The following ZNF12 variants were observed in gnomAD, a reference collection of about 807,000 sequenced individuals.
ZNF12 encodes zinc finger protein 12, also known as gonadotropin inducible transcription repressor 3.
A neutral mutation model predicts 66.6 loss-of-function variants in ZNF12; 34 were observed. The ratio of observed to expected loss-of-function variants is 0.51; its 90% confidence interval spans 0.39 to 0.68. The LOEUF (loss-of-function observed/expected upper bound fraction) is 0.68, where lower values mean the gene tolerates loss of function less well. Among genes scored for constraint, ZNF12 ranks in the 30% least tolerant of loss-of-function variants. ZNF12 has a pLI of 0.00. For missense variants in ZNF12, 697 were observed against 826.9 expected, an observed-to-expected ratio of 0.84 and a Z score of 1.93; for synonymous variants, 320 against 278.9, an observed-to-expected ratio of 1.15 and a Z score of -1.47.
Position 6,692,108 on chromosome 7 carries a change from G to A in ZNF12, c.834C>T (p.Phe278=). The A allele has an allele frequency of 6.2e-7, 1 of 1,614,004 alleles. No homozygotes were observed. The highest frequency in any genetic ancestry group is 8.5e-7 in the Non-Finnish European group (1 of 1,179,950). ...PYECSECGKS[F]CKKSKFIIHQ... is the part of the protein sequence containing the mutation. The stretch of plus-strand genomic sequence containing the variant: ...GTATAATAAATTTTGACTTTTTACA[G>A]AAGGATTTCCCACATTCACTGCATT... Residue 278 remains phenylalanine, a synonymous_variant, in exon 5 of 5, where the codon TTC becomes TTT. Coordinates refer to ENST00000405858, the MANE Select transcript of ZNF12 (RefSeq NM_016265.4). This position sits in a 1 kb window ranked among gnomAD's most constrained non-coding sequence, Gnocchi z 5.1.
chr7:6,692,275 G>A lies in ZNF12; in HGVS notation c.667C>T (p.Gln223Ter). Residue 223 changes from glutamine to a stop codon, truncating the protein, a stop_gained, in exon 5 of 5, where the codon CAG (glutamine) becomes TAG (stop). Transcript: ENST00000405858. LOFTEE classifies it high-confidence loss of function. This position sits in a 1 kb window ranked among gnomAD's most constrained non-coding sequence, Gnocchi z 5.1. ...LEKPFEYIEC[Q>*]KAFQKDTVFV... ...ACAGTGTCCTTTTGGAAGGCTTTCT[G>A]GCATTCAATATATTCAAAAGGTTTC... is the stretch of plus-strand genomic sequence containing the variant. 1 of 1,613,288 alleles carries A rather than the reference G, an allele frequency of 6.2e-7. No homozygotes were observed. The highest frequency in any genetic ancestry group is 8.5e-7 in the Non-Finnish European group (1 of 1,179,652).
Position 6,697,113 on chromosome 7 carries a change from A to T in ZNF12, c.238+226T>A, listed in dbSNP as rs1021165293. On this transcript the variant is annotated intron_variant, in intron 4 of 4. Transcript: ENST00000405858. The surrounding 1 kb of genome is among the most constrained non-coding windows in gnomAD (Gnocchi z 6.1). ...CAAGCAAAGACCCAAAGTTTAAGAGAACAACAGAAGTGACTGGAATTCGAT... is the reference window on the plus strand; with the variant it reads ...CAAGCAAAGACCCAAAGTTTAAGAGTACAACAGAAGTGACTGGAATTCGAT... Among the ~76,000 whole-genome samples, 3 of 152,144 alleles carry T rather than the reference A, an allele frequency of 2.0e-5. No individual in the cohort carries two copies. The highest frequency in any genetic ancestry group is 2.9e-5 in the Non-Finnish European group (2 of 68,032).
chr7:6,702,506 A>C (rs1562602243), intron 2 of ZNF12, among the ~76,000 whole-genome samples: 3 of 22,034 alleles, frequency 1.4e-4, no homozygotes, highest in East Asian at 1.8e-3. Context: ...ACACACACAC[A>C]CAGATTTATC....
At position 6,692,163 on chromosome 7, in the gene ZNF12, T is replaced by C; in HGVS notation, c.779A>G (p.Gln260Arg). 6.2e-7 allele frequency: 1 copy of C among 1,614,206 alleles called. No homozygotes were observed. The highest frequency in any genetic ancestry group is 1.1e-5 in the South Asian group (1 of 91,076). ...FLQMSDLTVH[Q>R]TSHMEMKPYE... ...GGGCTTCATTTCCATATGAGATGTC[T>C]GATGTACAGTGAGGTCCGACATCTG... The change falls in exon 5 of 5, where the codon CAG (glutamine) becomes CGG (arginine). Residue 260 changes from glutamine to arginine, a missense_variant. This residue lies in a region of ZNF12 where 241 missense variants were observed against 224.0 expected (regional missense o/e 1.08). Transcript: ENST00000405858. This position sits in a 1 kb window ranked among gnomAD's most constrained non-coding sequence, Gnocchi z 5.1.
intron 4 of ZNF12, among the ~76,000 whole-genome samples, chr7:6,693,789 A>G (rs1780112154): frequency 6.6e-6 from 1 of 152,184 alleles, no homozygotes; most frequent in Non-Finnish European, 1.5e-5. Context: ...CTTAAGCCAG[A>G]CCCACCCTGA....
Position 6,690,610 on chromosome 7 carries a change from T to C in ZNF12, c.*238A>G, listed in dbSNP as rs925497139. 8.9e-6 allele frequency: 4 copies of C among 449,180 alleles called. No individual in the cohort carries two copies. In the South Asian group the frequency reaches 1.6e-4, roughly 18 times the overall value. 27.8% of individuals were successfully genotyped at this position (449,180 alleles called of 1,614,324 possible). A position where few individuals can be genotyped will look rare whatever the true frequency, so the allele number is the denominator to read the frequency against. ...CAGTTCCAATCCATGGTGACATGTA[T>C]ATACATTCTTAATATTTATAAATTT... is the stretch of plus-strand genomic sequence containing the variant. On this transcript the variant is annotated 3_prime_UTR_variant, in exon 5 of 5. Transcript: ENST00000405858.
Position 6,691,660 on chromosome 7 carries a change from G to A in ZNF12, c.1282C>T (p.Leu428=), listed in dbSNP as rs910961036. The change falls in exon 5 of 5, where the codon CTG becomes TTG. Residue 428 remains leucine (L), a synonymous_variant. Transcript: ENST00000405858. The stretch of plus-strand genomic sequence containing the variant: ...GGTTTCTCTCCTGTGTGGGTCCTCA[G>A]GTGGGTCGTGAGAGTAGACTTGCGG... ...FCRKSTLTTH[L]RTHTGEKPYE... 1 of 1,613,772 alleles carries A rather than the reference G, an allele frequency of 6.2e-7. No individual in the cohort carries two copies. The highest frequency in any genetic ancestry group is 1.3e-5 in the African/African-American group (1 of 74,968).
In ZNF12 at chr7:6,697,672, A is replaced by G. The variant is rs769409806; in HGVS notation, c.142+13T>C. 3.1e-6 allele frequency: 5 copies of G among 1,613,272 alleles called. No homozygotes were observed. The highest frequency in any genetic ancestry group is 4.2e-6 in the Non-Finnish European group (5 of 1,179,766). ...CATATATTTTAGCAACTGAGAAAGC[A>G]AGCTATCCTCACCCACAGAAACTAG... On this transcript the variant is annotated intron_variant, in intron 3 of 4. Coordinates refer to ENST00000405858, the MANE Select transcript of ZNF12 (RefSeq NM_016265.4). The surrounding 1 kb of genome is among the most constrained non-coding windows in gnomAD (Gnocchi z 6.1).
In ZNF12 at chr7:6,706,457, C is replaced by T. The variant is rs753995257; in HGVS notation, c.-76G>A. On this transcript the variant is annotated 5_prime_UTR_variant, in exon 1 of 5. Transcript: ENST00000405858. ...CCTCCTGGGGCTCCGCAGCCTCTGC[C>T]CCACCGCTCCCGACAGGCCGGGGCG... 17 of 478,358 alleles carry T rather than the reference C, an allele frequency of 3.6e-5. No individual in the cohort carries two copies. Among genetic ancestry groups the T allele is most frequent in the Non-Finnish European group, 6.6e-5 (16 of 240,616 alleles). 29.6% of individuals were successfully genotyped at this position (478,358 alleles called of 1,614,324 possible).
chr7:6,692,127 C>G lies in ZNF12; in HGVS notation c.815G>C (p.Ser272Thr), dbSNP rs144746137. The G allele has an allele frequency of 5.0e-6, 8 of 1,613,980 alleles. No homozygotes were observed. Among genetic ancestry groups the G allele is most frequent in the Non-Finnish European group, 5.9e-6 (7 of 1,179,988 alleles). Residue 272 changes from serine (S) to threonine (T), a missense_variant, in exon 5 of 5, where the codon AGT becomes ACT. Coordinates refer to ENST00000405858, the MANE Select transcript of ZNF12 (RefSeq NM_016265.4). This position sits in a 1 kb window ranked among gnomAD's most constrained non-coding sequence, Gnocchi z 5.1. The stretch of plus-strand genomic sequence containing the variant: ...TTTACAGAAGGATTTCCCACATTCA[C>G]TGCATTCATAGGGCTTCATTTCCAT... ...SHMEMKPYEC[S>T]ECGKSFCKKS...
Position 6,692,151 on chromosome 7 carries a change from A to C in ZNF12, c.791T>G (p.Met264Arg). ...SDLTVHQTSH[M>R]EMKPYECSEC... The stretch of plus-strand genomic sequence containing the variant: ...ACTGCATTCATAGGGCTTCATTTCC[A>C]TATGAGATGTCTGATGTACAGTGAG... Residue 264 changes from methionine (M) to arginine (R), a missense_variant, in exon 5 of 5, where the codon ATG (methionine) becomes AGG (arginine). By Grantham distance (91) the Met-to-Arg change is moderately conservative. This residue lies in a region of ZNF12 where 241 missense variants were observed against 224.0 expected (regional missense o/e 1.08). Transcript: ENST00000405858. The surrounding 1 kb of genome is among the most constrained non-coding windows in gnomAD (Gnocchi z 5.1). 6.2e-7 allele frequency: 1 copy of C among 1,614,116 alleles called. No homozygotes were observed. Among genetic ancestry groups the C allele is most frequent in the Non-Finnish European group, 8.5e-7 (1 of 1,179,974 alleles).
At chr7:6,702,071 A>G (rs1780253088) in intron 2 of ZNF12, among the ~76,000 whole-genome samples, 1 of 152,000 alleles carries the variant, frequency 6.6e-6, no homozygotes, top group Non-Finnish European at 1.5e-5. Flanking sequence ...AGAGAGTCAC[A>G]TGACCTCCCC....
intron 4 of ZNF12, among the ~76,000 whole-genome samples, chr7:6,693,166 A>G (rs1478704753): frequency 1.3e-5 from 2 of 152,228 alleles, no homozygotes; most frequent in Non-Finnish European, 2.9e-5. Context: ...ACATCACTTC[A>G]TACCAAGTTG....
At position 6,692,553 on chromosome 7, in the gene ZNF12, G is replaced by A. The variant is rs75556779; in HGVS notation, c.389C>T (p.Ser130Leu). Residue 130 changes from serine (S) to leucine (L), a missense_variant, in exon 5 of 5, where the codon TCA (serine) becomes TTA (leucine). Physicochemically the swap from Ser to Leu is moderately radical, Grantham distance 145. Around this residue, in one of 3 missense-constraint regions of ZNF12, gnomAD observed 241 missense variants for 224.0 expected, o/e 1.08. Coordinates refer to ENST00000405858, the MANE Select transcript of ZNF12 (RefSeq NM_016265.4). This position sits in a 1 kb window ranked among gnomAD's most constrained non-coding sequence, Gnocchi z 5.1. ...GCTATTTTTATAGGCTATTTTTCTT[G>A]AAGGAACAGGGTTCGTTTCTACATC... ...TFDVETNPVP[S>L]RKIAYKNSLC... 2 of 1,613,654 alleles carry A rather than the reference G, an allele frequency of 1.2e-6. No individual in the cohort carries two copies. The highest frequency in any genetic ancestry group is 1.7e-6 in the Non-Finnish European group (2 of 1,179,784).
Position 6,689,775 on chromosome 7 carries a change from C to T in ZNF12, c.*1073G>A, listed in dbSNP as rs1409325322. On this transcript the variant is annotated 3_prime_UTR_variant, in exon 5 of 5. Coordinates refer to ENST00000405858, the MANE Select transcript of ZNF12 (RefSeq NM_016265.4). ...TTAGAATGTGTTCTTAATTCATTAA[C>T]AGGAAGGAGTAGAGCACAAGGTTTA... 1 of 152,154 alleles carries T rather than the reference C, an allele frequency of 6.6e-6. No individual in the cohort carries two copies. Among genetic ancestry groups the T allele is most frequent in the Non-Finnish European group, 1.5e-5 (1 of 68,016 alleles). The allele number at this position is 152,154 out of a possible 1,614,324, so 9.4% of individuals were successfully genotyped here.
At chr7:6,703,914 A>C (rs1181484619) in intron 2 of ZNF12, among the ~76,000 whole-genome samples, 1 of 152,232 alleles carries the variant, frequency 6.6e-6, no homozygotes, top group Non-Finnish European at 1.5e-5. Flanking sequence ...TTTTCCAACA[A>C]GGTCAGGGGA....
chr7:6,705,046 C>T lies in ZNF12; in HGVS notation c.15+113G>A. The T allele has an allele frequency of 7.6e-7, 1 of 1,307,876 alleles. No homozygotes were observed. Among genetic ancestry groups the T allele is most frequent in the South Asian group, 1.5e-5 (1 of 66,322 alleles). 81.0% of individuals were successfully genotyped at this position (1,307,876 alleles called of 1,614,324 possible). On this transcript the variant is annotated intron_variant, in intron 2 of 4. Transcript: ENST00000405858. The surrounding 1 kb of genome is among the most constrained non-coding windows in gnomAD (Gnocchi z 4.0). Reference sequence around the variant, plus strand: ...TGCTGATGGCTACTGTTCTGTCTGACCAAATCTTGTATCTATTTCTACTTT... The same window carrying T: ...TGCTGATGGCTACTGTTCTGTCTGATCAAATCTTGTATCTATTTCTACTTT...
In ZNF12 at chr7:6,705,096, A is replaced by G; in HGVS notation, c.15+63T>C. 8.3e-6 allele frequency: 13 copies of G among 1,572,030 alleles called. No homozygotes were observed. The highest frequency in any genetic ancestry group is 1.1e-5 in the Non-Finnish European group (13 of 1,155,182). ...TCCCATTTTAAACTTTGAACCCTTA[A>G]TCTCCTCCTAAGGTGTATTGTAAAT... On this transcript the variant is annotated intron_variant, in intron 2 of 4. Coordinates refer to ENST00000405858, the MANE Select transcript of ZNF12 (RefSeq NM_016265.4). The surrounding 1 kb of genome is among the most constrained non-coding windows in gnomAD (Gnocchi z 4.0).
At position 6,690,895 on chromosome 7, in the gene ZNF12, GA is replaced by G; in HGVS notation, c.2046del (p.His683IlefsTer6). The G allele has an allele frequency of 6.2e-7, 1 of 1,613,892 alleles. No homozygotes were observed. Among genetic ancestry groups the G allele is most frequent in the Non-Finnish European group, 8.5e-7 (1 of 1,179,880 alleles). ...HKSAFNSHQR[I>X]HRRGNMNVID... The stretch of plus-strand genomic sequence containing the variant: ...ATTACATTCATATTGCCTCTCCTAT[GA>G]ATTCTCTGATGGCTGTTGAATGCTG... On this transcript the variant is annotated frameshift_variant, in exon 5 of 5. Coordinates refer to ENST00000405858, the MANE Select transcript of ZNF12 (RefSeq NM_016265.4). LOFTEE classifies it high-confidence loss of function.
Sources: allele counts gnomAD v4.1 joint callset (sites outside exome capture counted in the v4.1 genomes callset), GRCh38; gene constraint gnomAD v4.1.1; regional missense constraint gnomAD v4.1.1; non-coding constraint Gnocchi (gnomAD v3.1); transcripts MANE v1.5; gene names NCBI Gene and HGNC (gene_info 2026-07-23, HGNC 2026-07-21).